The following RHOT1 variants were observed in gnomAD, a reference collection of about 807,000 sequenced individuals.
RHOT1 encodes the protein mitochondrial Rho GTPase 1.
In RHOT1, 27 loss-of-function variants were observed where a neutral mutation model predicts 95.3. The ratio of observed to expected loss-of-function variants is 0.28; its 90% CI spans 0.21 to 0.39. RHOT1 has a LOEUF of 0.39. Ranked by LOEUF, RHOT1 falls within the 10% of genes least tolerant of loss-of-function variation. The pLI is 1.00. For synonymous variants in RHOT1, 227 were observed against 263.5 expected (o/e 0.86, Z 1.34); for missense variants, 578 against 786.7 (o/e 0.73, Z 3.17).
chr17:32,150,915 ATTC>A, intron 1 of RHOT1: 6 of 1,546,544 alleles, frequency 3.9e-6, no homozygotes, highest in Non-Finnish European at 5.3e-6. Flanking sequence ...AGGTGGGCAC[ATTC>A]TTCTTGGATG....
At chr17:32,149,629 A>ATGTGTGTGTGTGTGTGTGTGTG (rs1204046813) in intron 1 of RHOT1, among the ~76,000 whole-genome samples, 29 of 87,422 alleles carry the variant, frequency 3.3e-4, no homozygotes, top group African/African-American at 3.5e-4. Context: ...ATATATATAT[A>ATGTGTGTGTGTGTGTGTGTGTG]TATATATGTG....
chr17:32,187,990 C>G (rs970685473), intron 8 of RHOT1, among the ~76,000 whole-genome samples: 8 of 152,158 alleles, frequency 5.3e-5, no homozygotes, highest in African/African-American at 1.9e-4. Context: ...CATGGTCATT[C>G]TTTTATGTTA....
rs1465161003 is a variant in RHOT1, at chr17:32,142,569, G to C, written c.-124G>C. The C allele has an allele frequency of 1.3e-6, 1 of 744,232 alleles. No individual in the cohort carries two copies. The highest frequency in any genetic ancestry group is 3.9e-5 in the Admixed American group (1 of 25,808). 46.1% of individuals were successfully genotyped at this position (744,232 alleles called of 1,614,324 possible). A position where few individuals can be genotyped will look rare whatever the true frequency, so the allele number is the denominator to read the frequency against. On this transcript the variant is annotated 5_prime_UTR_variant, in exon 1 of 20. Transcript: ENST00000545287. Reference sequence around the variant, plus strand: ...GCTCTCTTGCGGGGAAGCAACTGAGGGGGCGGCGCGGCGGGCCCCGGCGGC... The same window carrying C: ...GCTCTCTTGCGGGGAAGCAACTGAGCGGGCGGCGCGGCGGGCCCCGGCGGC...
At chr17:32,173,945 G>A (rs2034789703) in intron 3 of RHOT1, 33 bp downstream of exon 3, 2 of 1,420,258 alleles carry the variant, frequency 1.4e-6, no homozygotes, top group Non-Finnish European at 2.0e-6. Flanking sequence ...TGAAGGTGTA[G>A]GTTAATTTAA....
chr17:32,144,560 C>T (rs2030995354), intron 1 of RHOT1, among the ~76,000 whole-genome samples: 1 of 151,764 alleles, frequency 6.6e-6, no homozygotes, highest in African/African-American at 2.4e-5. Flanking sequence ...AATAATGCTC[C>T]CACACAGCTG....
rs554023095 is a variant in RHOT1 at position 32,146,221 on chromosome 17, C to T, written c.37+3492C>T. Among the ~76,000 whole-genome samples, 5 of 152,262 alleles carry T rather than the reference C, an allele frequency of 3.3e-5. No individual in the cohort carries two copies. In the South Asian group the frequency reaches 8.3e-4, roughly 25 times the overall value. ...TATATTTGTACATTTTTTGTCCTGT[C>T]TCTTGGGCTAGAAAAGAATCATCAT... On this transcript the variant is annotated intron_variant, in intron 1 of 19. Coordinates refer to ENST00000545287, the MANE Select transcript of RHOT1 (RefSeq NM_001033566.3).
In RHOT1 at chr17:32,199,565, C is replaced by T; in HGVS notation, c.1100+15C>T. 1.3e-6 allele frequency: 2 copies of T among 1,570,658 alleles called. No homozygotes were observed. The highest frequency in any genetic ancestry group is 1.7e-6 in the Non-Finnish European group (2 of 1,165,080). On this transcript the variant is annotated intron_variant, in intron 13 of 19. Transcript: ENST00000545287. Reference sequence around the variant, plus strand: ...TCCCAGTGGACGTGAGTATAGAGCTCACCTCTTTCCTCTAGAGTTACAAAT... The same window carrying T: ...TCCCAGTGGACGTGAGTATAGAGCTTACCTCTTTCCTCTAGAGTTACAAAT...
At chr17:32,197,515 C>T (rs905976094) in intron 11 of RHOT1, among the ~76,000 whole-genome samples, 1 of 151,924 alleles carries the variant, frequency 6.6e-6, no homozygotes, top group Non-Finnish European at 1.5e-5. Context: ...TGCTCCGCCT[C>T]CCAGGTTCAT....
intron 1 of RHOT1, chr17:32,150,597 C>T: frequency 1.9e-6 from 3 of 1,587,864 alleles, no homozygotes; most frequent in Non-Finnish European, 2.6e-6. Flanking sequence ...GTCCTCCTAC[C>T]TGGTACTTTG....
chr17:32,204,065 C>A, intron 16 of RHOT1, 92 bp downstream of exon 16: 2 of 798,156 alleles, frequency 2.5e-6, no homozygotes, highest in Admixed American at 2.5e-5. Context: ...TTGAATGACT[C>A]TCTGTAGAAC....
intron 19 of RHOT1, among the ~76,000 whole-genome samples, chr17:32,218,660 A>G (rs1377046705): frequency 6.6e-6 from 1 of 151,470 alleles, no homozygotes; most frequent in Non-Finnish European, 1.5e-5. Flanking sequence ...ACAAAAAATC[A>G]TAAATTAGCC....
chr17:32,219,995 A>G (rs1327424271), intron 19 of RHOT1, among the ~76,000 whole-genome samples: 1 of 152,244 alleles, frequency 6.6e-6, no homozygotes, highest in Non-Finnish European at 1.5e-5. Flanking sequence ...GTAACATTTA[A>G]TTCTGGAAAG....
At position 32,190,171 on chromosome 17, in the gene RHOT1, G is replaced by A. The variant is rs532786722; in HGVS notation, c.541-2030G>A. ...TTCAAGCTTTAATGAAAAGTGCATC[G>A]TTGGCCGGGCGCAATGGATCATGCC... On this transcript the variant is annotated intron_variant, in intron 8 of 19. Coordinates refer to ENST00000545287, the MANE Select transcript of RHOT1 (RefSeq NM_001033566.3). 3.9e-5 allele frequency among the ~76,000 whole-genome samples: 6 copies of A among 152,128 alleles called. No individual in the cohort carries two copies. The South Asian group carries it at 8.3e-4, about 21-fold the overall frequency.
intron 13 of RHOT1, among the ~76,000 whole-genome samples, chr17:32,199,752 A>G (rs1162356487): frequency 6.6e-6 from 1 of 152,140 alleles, no homozygotes; most frequent in East Asian, 1.9e-4. Flanking sequence ...TTTTCTTTTG[A>G]ATGATATATA....
At chr17:32,150,757 T>C (rs1360954618) in intron 1 of RHOT1, 19 of 1,595,380 alleles carry the variant, frequency 1.2e-5, no homozygotes, top group Non-Finnish European at 1.5e-5. Flanking sequence ...CCACTGAGTA[T>C]CTTGCATTTG....
chr17:32,171,487 T>C (rs1160646459), intron 2 of RHOT1, among the ~76,000 whole-genome samples: 2 of 152,254 alleles, frequency 1.3e-5, no homozygotes, highest in Non-Finnish European at 2.9e-5. Flanking sequence ...TCTAAGTCTT[T>C]TGCATTTTCT....
Position 32,193,121 on chromosome 17 carries a change from T to C in RHOT1, c.640-15T>C. The C allele has an allele frequency of 4.6e-6, 7 of 1,506,974 alleles. No homozygotes were observed. Among genetic ancestry groups the C allele is most frequent in the Non-Finnish European group, 6.4e-6 (7 of 1,090,282 alleles). The allele number at this position is 1,506,974 out of a possible 1,614,324, so 93.4% of individuals were successfully genotyped here. On this transcript the variant is annotated splice_polypyrimidine_tract_variant and intron_variant, in intron 9 of 19. Transcript: ENST00000545287. ...GCTGGTTTGTTTTTAAATATATTTT[T>C]ATGTTTTTTGCTAGAGGATTTGTTT...
chr17:32,143,885 G>A (rs1030324601), intron 1 of RHOT1, among the ~76,000 whole-genome samples: 6 of 152,156 alleles, frequency 3.9e-5, no homozygotes, highest in African/African-American at 1.4e-4. Context: ...AAGTTAACAC[G>A]TTTTTACCCT....
At chr17:32,185,656 C>T (rs1256805960) in intron 8 of RHOT1, among the ~76,000 whole-genome samples, 2 of 151,876 alleles carry the variant, frequency 1.3e-5, no homozygotes, top group Non-Finnish European at 2.9e-5. Flanking sequence ...AATGCACCCG[C>T]CTTGGCCTCC....
Sources: allele counts gnomAD v4.1 joint callset (sites outside exome capture counted in the v4.1 genomes callset), GRCh38; gene constraint gnomAD v4.1.1; transcripts MANE v1.5; gene names NCBI Gene and HGNC (gene_info 2026-07-23, HGNC 2026-07-21).